Variants in SLC4A4 observed in about 807,000 individuals in gnomAD.
SLC4A4 encodes the protein solute carrier family 4 member 4.
In SLC4A4, 27 loss-of-function variants were observed where a neutral mutation model predicts 111.5. That is an observed-to-expected ratio of 0.24 (90% CI 0.18 to 0.33). The LOEUF is 0.33. SLC4A4 is among the 10% of genes least tolerant of loss of function. SLC4A4 has a pLI of 1.00. For missense variants in SLC4A4, 909 were observed against 1,315.5 expected (o/e 0.69, Z 4.78); for synonymous variants, 443 against 463.4 (o/e 0.96, Z 0.57).
intron 1 of SLC4A4, among the ~76,000 whole-genome samples, chr4:71,189,813 T>G (rs1003130375): frequency 6.6e-6 from 1 of 152,194 alleles, no homozygotes; most frequent in Non-Finnish European, 1.5e-5. Flanking sequence ...TTGTGTTTAT[T>G]TAAAATAATA....
At chr4:71,405,093 A>C (rs1174129395) in intron 7 of SLC4A4, among the ~76,000 whole-genome samples, 1 of 152,014 alleles carries the variant, frequency 6.6e-6, no homozygotes, top group Non-Finnish European at 1.5e-5. Flanking sequence ...TGGGATTATA[A>C]GCGTAAGCCA....
At chr4:71,203,615 A>T (rs184318534) in intron 1 of SLC4A4, among the ~76,000 whole-genome samples, 30 of 152,288 alleles carry the variant, frequency 2.0e-4, no homozygotes, top group Non-Finnish European at 4.1e-4. Context: ...AAAAACATGC[A>T]TTTCTCAATC....
intron 16 of SLC4A4, among the ~76,000 whole-genome samples, chr4:71,502,578 C>A (rs890120303): frequency 6.6e-6 from 1 of 152,128 alleles, no homozygotes; most frequent in Non-Finnish European, 1.5e-5. Context: ...TGTTTACTTA[C>A]ACATTGGTTA....
intron 16 of SLC4A4, among the ~76,000 whole-genome samples, chr4:71,497,904 A>G (rs1055224902): frequency 2.6e-5 from 4 of 152,112 alleles, no homozygotes; most frequent in Admixed American, 2.6e-4. Context: ...TTCTCACATA[A>G]TTCTGTCATA....
intron 2 of SLC4A4, among the ~76,000 whole-genome samples, chr4:71,139,035 C>CAGA (rs770799592): frequency 2.3e-5 from 1 of 42,846 alleles, no homozygotes; most frequent in African/African-American, 9.8e-5. Context: ...GACTCCGTCT[C>CAGA]AAAAAAAAAA....
intron 24 of SLC4A4, among the ~76,000 whole-genome samples, chr4:71,565,517 G>A (rs929947187): frequency 6.6e-6 from 1 of 151,644 alleles, no homozygotes; most frequent in Non-Finnish European, 1.5e-5. Flanking sequence ...GTGATCATCT[G>A]AAGCTGATGG....
At chr4:71,536,473 T>TATATATATAC (rs1553928622) in intron 18 of SLC4A4, among the ~76,000 whole-genome samples, 2 of 88,332 alleles carry the variant, frequency 2.3e-5, no homozygotes, top group African/African-American at 3.9e-5. Flanking sequence ...TACATATATA[T>TATATATATAC]ATATATATAT....
intron 22 of SLC4A4, among the ~76,000 whole-genome samples, chr4:71,559,304 A>G (rs1420775855): frequency 6.6e-6 from 1 of 151,838 alleles, no homozygotes; most frequent in Non-Finnish European, 1.5e-5. Flanking sequence ...TTCAAGAGCA[A>G]TTCATAGAAC....
chr4:71,122,592 A>G (rs1743462324), intron 2 of SLC4A4, among the ~76,000 whole-genome samples: 1 of 152,166 alleles, frequency 6.6e-6, no homozygotes, highest in Admixed American at 6.5e-5. Context: ...TTAAAAAAAA[A>G]AGAGTAGAGG....
At chr4:71,217,531 C>G (rs1401697061) in intron 1 of SLC4A4, among the ~76,000 whole-genome samples, 1 of 152,126 alleles carries the variant, frequency 6.6e-6, no homozygotes, top group Non-Finnish European at 1.5e-5. Flanking sequence ...TCACTGCACT[C>G]CAGCCTGGGT....
At chr4:71,334,180 G>T (rs538830556) in intron 3 of SLC4A4, among the ~76,000 whole-genome samples, 27 of 152,082 alleles carry the variant, frequency 1.8e-4, no homozygotes, top group Non-Finnish European at 3.5e-4. Flanking sequence ...AGTACTTCCT[G>T]GGTACCCTTG....
chr4:71,504,210 T>A (rs1731184489), intron 16 of SLC4A4, among the ~76,000 whole-genome samples: 1 of 152,190 alleles, frequency 6.6e-6, no homozygotes, highest in African/African-American at 2.4e-5. Context: ...CTCCCAAGAC[T>A]TTGAGGTTTT....
intron 8 of SLC4A4, 96 bp from the exon 9 acceptor site, chr4:71,447,550 C>A: frequency 1.3e-6 from 1 of 797,068 alleles, no homozygotes; most frequent in South Asian, 1.4e-5. Context: ...CTAGACCTAA[C>A]CTTTTTATGA....
At chr4:71,214,829 G>T (rs1301131010) in intron 1 of SLC4A4, among the ~76,000 whole-genome samples, 1 of 152,194 alleles carries the variant, frequency 6.6e-6, no homozygotes, top group Non-Finnish European at 1.5e-5. Context: ...GGAGTGAGGG[G>T]CATCTCCACC....
chr4:71,426,305 G>A (rs952350683), intron 7 of SLC4A4, among the ~76,000 whole-genome samples: 1 of 152,086 alleles, frequency 6.6e-6, no homozygotes, highest in Non-Finnish European at 1.5e-5. Flanking sequence ...TTGGCCAAGA[G>A]GAGGGGTCCA....
intron 1 of SLC4A4, among the ~76,000 whole-genome samples, chr4:71,086,953 T>C (rs1485352304): frequency 6.6e-6 from 1 of 152,062 alleles, no homozygotes; most frequent in Non-Finnish European, 1.5e-5. Flanking sequence ...TCTTTTTCTA[T>C]TGATTGGAAT....
chr4:71,473,800 A>G (rs1728100993), intron 14 of SLC4A4, among the ~76,000 whole-genome samples: 1 of 151,942 alleles, frequency 6.6e-6, no homozygotes, highest in African/African-American at 2.4e-5. Context: ...AAGGCATTTC[A>G]AAAAAGGATT....
In SLC4A4 at chr4:71,571,517, T is replaced by C; in HGVS notation, c.*3766T>C. ...TAATACGCCAACCAGTCAAGTTGTG[T>C]TTTGGCCAGAGATTTAGATATGTCC... is the stretch of plus-strand genomic sequence containing the variant. On this transcript the variant is annotated 3_prime_UTR_variant, in exon 26 of 26. Coordinates refer to ENST00000264485, the MANE Select transcript of SLC4A4 (RefSeq NM_001098484.3). The C allele has an allele frequency of 6.6e-6, 1 of 152,218 alleles. No individual in the cohort carries two copies. Among genetic ancestry groups the C allele is most frequent in the East Asian group, 1.9e-4 (1 of 5,138 alleles). The allele number at this position is 152,218 out of a possible 1,614,324, so 9.4% of individuals were successfully genotyped here. A position where few individuals can be genotyped will look rare whatever the true frequency, so the allele number is the denominator to read the frequency against.
intron 3 of SLC4A4, among the ~76,000 whole-genome samples, chr4:71,268,086 T>TTTG (rs1553970776): frequency 6.8e-6 from 1 of 147,558 alleles, no homozygotes; most frequent in Non-Finnish European, 1.5e-5. Context: ...TTTTTTTTTT[T>TTTG]TTTTTTTTTT....
Sources: gnomAD v4.1 joint callset for allele counts (sites outside exome capture counted in the v4.1 genomes callset) on GRCh38, gnomAD v4.1.1 for gene constraint, MANE v1.5 for transcripts, NCBI Gene and HGNC (gene_info 2026-07-23, HGNC 2026-07-21) for gene names.